LRRTM4: variants seen among roughly 807,000 people sequenced by gnomAD.
The protein encoded by LRRTM4 is leucine rich repeat transmembrane neuronal 4, also known as leucine-rich repeat transmembrane neuronal protein 4.
In LRRTM4, 25 loss-of-function variants were observed where a neutral mutation model predicts 47.6. That is an observed-to-expected ratio of 0.53 (90% CI 0.38 to 0.73). The LOEUF is 0.73. Ranked by LOEUF, LRRTM4 falls within the 30% of genes least tolerant of loss-of-function variation. The pLI, the probability that LRRTM4 is intolerant of heterozygous loss-of-function variation, is 0.00. For missense variants in LRRTM4, 638 were observed against 713.4 expected (o/e 0.89, Z 1.20); for synonymous variants, 311 against 269.5 (o/e 1.15, Z -1.51).
chr2:77,326,155 T>G (rs1670766539), intron 3 of LRRTM4, among the ~76,000 whole-genome samples: 1 of 152,212 alleles, frequency 6.6e-6, no homozygotes, highest in Non-Finnish European at 1.5e-5. Flanking sequence ...TATCATTAGA[T>G]CATACCATTT....
chr2:77,375,788 G>C (rs1336749700), intron 3 of LRRTM4, among the ~76,000 whole-genome samples: 2 of 151,678 alleles, frequency 1.3e-5, no homozygotes, highest in Non-Finnish European at 3.0e-5. Flanking sequence ...ATTTTGAATA[G>C]TATTCATTGC....
chr2:77,147,401 C>T (rs1034107619), intron 3 of LRRTM4, among the ~76,000 whole-genome samples: 3 of 152,048 alleles, frequency 2.0e-5, no homozygotes, highest in Non-Finnish European at 2.9e-5. Flanking sequence ...TGCAAGAGAG[C>T]AGAGCAGAAT....
intron 3 of LRRTM4, among the ~76,000 whole-genome samples, chr2:76,983,354 C>T (rs912979197): frequency 6.6e-6 from 1 of 151,904 alleles, no homozygotes; most frequent in African/African-American, 2.4e-5. Flanking sequence ...TGTAATAATC[C>T]CCAGGTGTCA....
chr2:76,773,408 T>C (rs1218508348), intron 3 of LRRTM4, among the ~76,000 whole-genome samples: 1 of 152,196 alleles, frequency 6.6e-6, no homozygotes, highest in Admixed American at 6.5e-5. Context: ...GCCATTTAAC[T>C]TTATTCAGTA....
chr2:76,775,838 T>C (rs543643220), intron 3 of LRRTM4, among the ~76,000 whole-genome samples: 110 of 152,276 alleles, frequency 7.2e-4, no homozygotes, highest in African/African-American at 2.6e-3. Context: ...ACATGTGCCA[T>C]GCTGGTGCGC....
intron 3 of LRRTM4, among the ~76,000 whole-genome samples, chr2:77,024,985 A>G (rs978131240): frequency 6.6e-6 from 1 of 152,188 alleles, no homozygotes; most frequent in African/African-American, 2.4e-5. Context: ...GTGAAAAAGA[A>G]TCTTGATCTA....
intron 3 of LRRTM4, among the ~76,000 whole-genome samples, chr2:76,906,962 C>T (rs1489603326): frequency 1.1e-4 from 16 of 151,798 alleles, no homozygotes; most frequent in African/African-American, 3.9e-4. Context: ...AACAAGGATA[C>T]CCAGGAATTG....
chr2:76,813,659 T>TTGAG (rs1670811506), intron 3 of LRRTM4, among the ~76,000 whole-genome samples: 1 of 152,166 alleles, frequency 6.6e-6, no homozygotes, highest in Admixed American at 6.6e-5. Flanking sequence ...TTTTTTTCTT[T>TTGAG]TGAGTTTTGT....
chr2:77,459,123 A>ATAC (rs1482481117), intron 3 of LRRTM4, among the ~76,000 whole-genome samples: 1 of 152,146 alleles, frequency 6.6e-6, no homozygotes, highest in Non-Finnish European at 1.5e-5. Flanking sequence ...AATAATAATA[A>ATAC]TAAAACAATA....
At chr2:77,483,552 G>C (rs1677798405) in intron 3 of LRRTM4, among the ~76,000 whole-genome samples, 1 of 152,138 alleles carries the variant, frequency 6.6e-6, no homozygotes. Flanking sequence ...TGTTGGCCAA[G>C]CTGCTCTCGA....
chr2:76,876,343 C>T (rs1372611209), intron 3 of LRRTM4, among the ~76,000 whole-genome samples: 1 of 152,080 alleles, frequency 6.6e-6, no homozygotes, highest in Non-Finnish European at 1.5e-5. Flanking sequence ...TACAACCTTG[C>T]ATTACTGCAT....
At chr2:76,909,513 G>C (rs903311054) in intron 3 of LRRTM4, among the ~76,000 whole-genome samples, 2 of 151,904 alleles carry the variant, frequency 1.3e-5, no homozygotes, top group Non-Finnish European at 2.9e-5. Context: ...TTAAACTAAA[G>C]AGCTTCTGCA....
intron 3 of LRRTM4, among the ~76,000 whole-genome samples, chr2:77,031,520 A>G (rs1342104523): frequency 6.6e-6 from 1 of 152,166 alleles, no homozygotes; most frequent in Non-Finnish European, 1.5e-5. Flanking sequence ...AATCACTGGA[A>G]CAATTATCAA....
At chr2:77,436,444 T>C (rs1012583689) in intron 3 of LRRTM4, among the ~76,000 whole-genome samples, 2 of 151,856 alleles carry the variant, frequency 1.3e-5, no homozygotes, top group African/African-American at 4.8e-5. Context: ...CATATATAAT[T>C]GCTATAATTT....
At chr2:77,229,002 C>T (rs1674892203) in intron 3 of LRRTM4, among the ~76,000 whole-genome samples, 1 of 152,074 alleles carries the variant, frequency 6.6e-6, no homozygotes, top group South Asian at 2.1e-4. Flanking sequence ...GCTGGACCAC[C>T]TCCAAGTTTA....
At chr2:76,935,201 A>G (rs1558747969) in intron 3 of LRRTM4, among the ~76,000 whole-genome samples, 1 of 152,164 alleles carries the variant, frequency 6.6e-6, no homozygotes, top group Non-Finnish European at 1.5e-5. Context: ...AATGGGACAC[A>G]TATTCTTTCA....
chr2:76,921,045 A>G (rs1490520174), intron 3 of LRRTM4, among the ~76,000 whole-genome samples: 1 of 152,086 alleles, frequency 6.6e-6, no homozygotes, highest in Admixed American at 6.6e-5. Flanking sequence ...TTGGTACATT[A>G]TTATGAACTT....
rs145321117 is a variant in LRRTM4, at chr2:77,089,138, G to A, written c.1552-340222C>T. On this transcript the variant is annotated intron_variant, in intron 3 of 3. Coordinates refer to ENST00000409884, the MANE Select transcript of LRRTM4 (RefSeq NM_001134745.3). ...TCCTTCACCCTTAGGGGCAAGTCCC[G>A]CTTTTCTGGGGAAGGGGCAAATACC... is the stretch of plus-strand genomic sequence containing the variant. 3.4e-3 allele frequency among the ~76,000 whole-genome samples: 514 copies of A among 152,162 alleles called. 2 individuals are homozygous for A. Among genetic ancestry groups the A allele is most frequent in the Non-Finnish European group, 4.7e-3 (322 of 68,002 alleles).
intron 3 of LRRTM4, among the ~76,000 whole-genome samples, chr2:76,945,121 C>T (rs895421402): frequency 5.9e-5 from 9 of 152,062 alleles, no homozygotes; most frequent in African/African-American, 1.9e-4. Flanking sequence ...CAGCATATTA[C>T]ACACAAAATA....
Sources: gnomAD v4.1 joint callset for allele counts (sites outside exome capture counted in the v4.1 genomes callset) on GRCh38, gnomAD v4.1.1 for gene constraint, MANE v1.5 for transcripts, NCBI Gene and HGNC (gene_info 2026-07-23, HGNC 2026-07-21) for gene names.